MYO1E: variants seen among roughly 807,000 people sequenced by gnomAD.
MYO1E encodes myosin IE.
MYO1E carries 68 observed loss-of-function variants against 151.1 expected under a neutral mutation model. That is an observed-to-expected ratio of 0.45 (90% CI 0.37 to 0.55). MYO1E has a LOEUF of 0.55. MYO1E is among the 20% of genes least tolerant of loss of function. The probability of loss-of-function intolerance (pLI) is 0.00; values close to 1 mark genes in which losing one functional copy is unlikely to be tolerated. For synonymous variants in MYO1E, 601 were observed against 501.7 expected (o/e 1.20, Z -2.64); for missense variants, 1,363 against 1,389.3 (o/e 0.98, Z 0.30).
chr15:59,234,906 C>T (rs2080053345), intron 5 of MYO1E, among the ~76,000 whole-genome samples: 1 of 149,716 alleles, frequency 6.7e-6, no homozygotes, highest in South Asian at 2.1e-4. Flanking sequence ...ATGGCAATAA[C>T]ATTACATAAT....
intron 1 of MYO1E, among the ~76,000 whole-genome samples, chr15:59,273,357 T>C (rs1455904838): frequency 1.4e-5 from 2 of 145,206 alleles, no homozygotes; most frequent in Admixed American, 6.7e-5. Flanking sequence ...TAAAGTCCTA[T>C]GAAGACACCT....
chr15:59,351,273 C>T (rs1364182777), intron 1 of MYO1E, among the ~76,000 whole-genome samples: 2 of 152,116 alleles, frequency 1.3e-5, no homozygotes, highest in East Asian at 3.9e-4. Flanking sequence ...ATGGCCTGAC[C>T]AAGGAGTGTA....
intron 4 of MYO1E, among the ~76,000 whole-genome samples, chr15:59,241,911 C>T (rs2080101957): frequency 1.4e-5 from 2 of 144,008 alleles, no homozygotes; most frequent in Admixed American, 1.3e-4. Flanking sequence ...AAAGTGAGAT[C>T]CTGTCTCTAA....
intron 1 of MYO1E, among the ~76,000 whole-genome samples, chr15:59,351,075 A>G (rs2080820732): frequency 6.6e-6 from 1 of 151,986 alleles, no homozygotes; most frequent in African/African-American, 2.4e-5. Flanking sequence ...TTTTTTGTGT[A>G]TTTTTAGTAG....
chr15:59,337,907 C>G (rs1420754327), intron 1 of MYO1E, among the ~76,000 whole-genome samples: 3 of 152,164 alleles, frequency 2.0e-5, no homozygotes, highest in African/African-American at 7.2e-5. Context: ...TATCTTTACT[C>G]AATAAGGCAA....
chr15:59,186,245 A>C (rs2079696853), intron 18 of MYO1E, among the ~76,000 whole-genome samples: 1 of 152,146 alleles, frequency 6.6e-6, no homozygotes, highest in Admixed American at 6.5e-5. Context: ...TTTATTATAC[A>C]AAATCATTAG....
chr15:59,223,987 G>T (rs1408646001), intron 8 of MYO1E, among the ~76,000 whole-genome samples: 1 of 152,138 alleles, frequency 6.6e-6, no homozygotes, highest in Non-Finnish European at 1.5e-5. Context: ...CTGAACCCAC[G>T]CTGCTCATTC....
intron 14 of MYO1E, chr15:59,206,583 C>G (rs1230038857): frequency 2.6e-5 from 6 of 232,398 alleles, no homozygotes; most frequent in Non-Finnish European, 5.0e-5. Context: ...TTATTTTCAT[C>G]TGTAGTTAAC....
intron 7 of MYO1E, 84 bp downstream of exon 7, chr15:59,227,375 C>G: frequency 1.9e-6 from 3 of 1,554,740 alleles, no homozygotes; most frequent in Non-Finnish European, 2.7e-6. Flanking sequence ...GCTTCCTAGA[C>G]TATAGTCTAT....
chr15:59,346,449 A>C (rs760843752), intron 1 of MYO1E, among the ~76,000 whole-genome samples: 3 of 152,198 alleles, frequency 2.0e-5, no homozygotes, highest in Non-Finnish European at 4.4e-5. Flanking sequence ...ATGCCTCAAA[A>C]TGCTACAATC....
chr15:59,189,829 G>A (rs1483211313), intron 17 of MYO1E, among the ~76,000 whole-genome samples: 4 of 152,172 alleles, frequency 2.6e-5, no homozygotes, highest in African/African-American at 9.7e-5. Flanking sequence ...CACCACGCCT[G>A]GCCCATCCTG....
intron 10 of MYO1E, among the ~76,000 whole-genome samples, chr15:59,216,592 GTGTATC>G (rs1486972285): frequency 2.6e-4 from 27 of 103,204 alleles, no homozygotes; most frequent in East Asian, 1.1e-3. Flanking sequence ...GTGTGTGTGT[GTGTATC>G]TATCTATCTA....
chr15:59,295,387 G>A (rs560093149), intron 1 of MYO1E, among the ~76,000 whole-genome samples: 4 of 152,214 alleles, frequency 2.6e-5, no homozygotes, highest in South Asian at 2.1e-4. Flanking sequence ...CTAGAAAGGC[G>A]GATTTGTGTT....
chr15:59,227,699 C>A, intron 6 of MYO1E, 109 bp from the exon 7 acceptor site: 1 of 1,409,954 alleles, frequency 7.1e-7, no homozygotes. Flanking sequence ...ATAAAATACA[C>A]ATTCTGAATT....
intron 1 of MYO1E, among the ~76,000 whole-genome samples, chr15:59,360,476 G>A (rs2080878886): frequency 1.3e-5 from 2 of 152,190 alleles, no homozygotes; most frequent in Admixed American, 1.3e-4. Flanking sequence ...TGGAAGGCCT[G>A]CATTCCCCTT....
rs911530420 is a variant in MYO1E, at chr15:59,269,667, C to A, written c.147+2639G>T. Among the ~76,000 whole-genome samples, 8 of 152,058 alleles carry A rather than the reference C, an allele frequency of 5.3e-5. No homozygotes were observed. In the East Asian group the frequency reaches 1.5e-3, roughly 29 times the overall value. ...GGTGAAGAGATTGAGACCATCCCGG[C>A]CAACATGGTGAATGAAACCCCACCT... On this transcript the variant is annotated intron_variant, in intron 2 of 27. Transcript: ENST00000288235.
chr15:59,153,873 C>G, intron 25 of MYO1E, 82 bp from the exon 26 acceptor site: 1 of 1,313,378 alleles, frequency 7.6e-7, no homozygotes, highest in Non-Finnish European at 1.1e-6. Context: ...CTTCCATGTA[C>G]TACAAGGGCA....
intron 1 of MYO1E, among the ~76,000 whole-genome samples, chr15:59,300,935 C>T (rs28415824): frequency 0.17 from 24,424 of 147,268 alleles, 3,341 homozygotes; most frequent in African/African-American, 0.38. Flanking sequence ...TGGCACCATG[C>T]CAGCTCATTG....
chr15:59,269,439 G>T lies in MYO1E; in HGVS notation c.147+2867C>A, dbSNP rs147983819. On this transcript the variant is annotated intron_variant, in intron 2 of 27. Transcript: ENST00000288235. ...CTGCCAGTTTTCATGTGCTGTGGGT[G>T]CTGCACGTAAAAGTGATTAACATTT... Among the ~76,000 whole-genome samples the T allele has an allele frequency of 5.3e-5, 8 of 152,316 alleles. No homozygotes were observed. The East Asian group carries it at 1.5e-3, about 29-fold the overall frequency.
Sources: gnomAD v4.1 joint callset for allele counts (sites outside exome capture counted in the v4.1 genomes callset) on GRCh38, gnomAD v4.1.1 for gene constraint, MANE v1.5 for transcripts, NCBI Gene and HGNC (gene_info 2026-07-23, HGNC 2026-07-21) for gene names.